Variants in DLG5 observed in about 807,000 individuals in gnomAD.
DLG5 encodes the protein discs large MAGUK scaffold protein 5.
Under a neutral mutation model 189.8 loss-of-function variants are expected in DLG5, and 48 were observed. The ratio of observed to expected loss-of-function variants is 0.25; its 90% confidence interval spans 0.20 to 0.32. DLG5 has a LOEUF of 0.32. DLG5 is among the 10% of genes least tolerant of loss of function. The pLI is 1.00. For synonymous variants in DLG5, 1,016 were observed against 1,054.1 expected (o/e 0.96, Z 0.70); for missense variants, 2,160 against 2,544.7 (o/e 0.85, Z 3.25).
At chr10:77,912,930 C>A (rs1313778880) in intron 1 of DLG5, among the ~76,000 whole-genome samples, 1 of 152,090 alleles carries the variant, frequency 6.6e-6, no homozygotes, top group South Asian at 2.1e-4. Context: ...CTGTGGAGAA[C>A]CCCAGGGAAA....
intron 27 of DLG5, among the ~76,000 whole-genome samples, chr10:77,802,214 C>G (rs1300914319): frequency 4.6e-5 from 7 of 152,154 alleles, no homozygotes; most frequent in African/African-American, 1.7e-4. Flanking sequence ...GTGTTTGAAG[C>G]CACACAGTCT....
At chr10:77,809,507 G>A (rs1841649715) in intron 24 of DLG5, 40 bp downstream of exon 24, 2 of 1,580,126 alleles carry the variant, frequency 1.3e-6, no homozygotes, top group Non-Finnish European at 1.7e-6. Context: ...CACTGTGCAG[G>A]TAGATGGAGG....
At chr10:77,876,986 C>T (rs1845120924) in intron 1 of DLG5, among the ~76,000 whole-genome samples, 1 of 151,962 alleles carries the variant, frequency 6.6e-6, no homozygotes, top group African/African-American at 2.4e-5. Flanking sequence ...CCTCAGCCTC[C>T]CAAAGTGCTG....
At chr10:77,906,617 C>CTTTTTT (rs35116526) in intron 1 of DLG5, among the ~76,000 whole-genome samples, 3 of 102,180 alleles carry the variant, frequency 2.9e-5, no homozygotes, top group African/African-American at 7.6e-5. Flanking sequence ...CTGCGCTCCA[C>CTTTTTT]TTTTTTTTTT....
At chr10:77,890,587 C>G (rs748903442) in intron 1 of DLG5, among the ~76,000 whole-genome samples, 1 of 152,210 alleles carries the variant, frequency 6.6e-6, no homozygotes, top group Non-Finnish European at 1.5e-5. Flanking sequence ...GAGGCCGAGG[C>G]ATGCAGATCA....
At chr10:77,861,061 A>G (rs1844451275) in intron 2 of DLG5, among the ~76,000 whole-genome samples, 1 of 152,184 alleles carries the variant, frequency 6.6e-6, no homozygotes, top group Non-Finnish European at 1.5e-5. Flanking sequence ...TTTGTTACAC[A>G]GGCTGTTTAA....
At chr10:77,876,971 G>A (rs2559656) in intron 1 of DLG5, among the ~76,000 whole-genome samples, 38,090 of 150,708 alleles carry the variant, frequency 0.25, 5,332 homozygotes, top group Admixed American at 0.39. Flanking sequence ...CAAGCAATCT[G>A]CTCGCCTCAG....
At chr10:77,801,500 G>A (rs1400159371) in intron 27 of DLG5, among the ~76,000 whole-genome samples, 1 of 152,156 alleles carries the variant, frequency 6.6e-6, no homozygotes, top group African/African-American at 2.4e-5. Context: ...CCCGAGGAGA[G>A]GCAAGGTCAG....
chr10:77,905,195 G>T (rs1846038922), intron 1 of DLG5, among the ~76,000 whole-genome samples: 1 of 151,452 alleles, frequency 6.6e-6, no homozygotes. Flanking sequence ...GAGATGAGTT[G>T]TCACTGTGTT....
At chr10:77,830,443 T>C (rs1842844972) in intron 10 of DLG5, 99 bp from the exon 11 acceptor site, 3 of 1,535,532 alleles carry the variant, frequency 2.0e-6, no homozygotes, top group Non-Finnish European at 2.7e-6. Flanking sequence ...TGGGGGACTG[T>C]CCCTTCACCT....
chr10:77,836,325 A>AC (rs1843132946), intron 7 of DLG5, among the ~76,000 whole-genome samples: 1 of 151,782 alleles, frequency 6.6e-6, no homozygotes, highest in African/African-American at 2.4e-5. Context: ...TCATATGAAA[A>AC]CCCCCTCCAC....
chr10:77,812,928 C>T (rs2154575335), intron 20 of DLG5, among the ~76,000 whole-genome samples: 1 of 152,376 alleles, frequency 6.6e-6, no homozygotes, highest in East Asian at 1.9e-4. Context: ...TGCCCTGGGG[C>T]TGTACAGTGC....
intron 2 of DLG5, 25 bp downstream of exon 2, chr10:77,869,104 G>T (rs201182388): frequency 2.2e-5 from 35 of 1,609,208 alleles, no homozygotes; most frequent in African/African-American, 4.0e-5. Flanking sequence ...CCCACCCGGT[G>T]TCCTCCCCAG....
chr10:77,841,848 G>A, intron 7 of DLG5, 33 bp downstream of exon 7: 13 of 1,588,174 alleles, frequency 8.2e-6, no homozygotes, highest in Non-Finnish European at 1.1e-5. Flanking sequence ...CTGTAGGAGA[G>A]GCTGAAAGCC....
chr10:77,879,995 A>G (rs1269825477), intron 1 of DLG5, among the ~76,000 whole-genome samples: 1 of 152,094 alleles, frequency 6.6e-6, no homozygotes, highest in African/African-American at 2.4e-5. Context: ...TAAAGTGATG[A>G]GCCTTGATAA....
At chr10:77,902,635 C>A (rs867192471) in intron 1 of DLG5, among the ~76,000 whole-genome samples, 10 of 151,850 alleles carry the variant, frequency 6.6e-5, no homozygotes, top group African/African-American at 2.2e-4. Flanking sequence ...CCGAGGTGGG[C>A]GGATCATGAG....
At chr10:77,835,398 G>T (rs180854767) in intron 8 of DLG5, among the ~76,000 whole-genome samples, 3 of 152,134 alleles carry the variant, frequency 2.0e-5, no homozygotes, top group Non-Finnish European at 4.4e-5. Flanking sequence ...GTAGGCGCCC[G>T]GTGAATACTG....
chr10:77,832,431 C>T (rs1027860534), intron 9 of DLG5, among the ~76,000 whole-genome samples: 2 of 152,240 alleles, frequency 1.3e-5, no homozygotes, highest in African/African-American at 4.8e-5. Flanking sequence ...CAGGGCCGCA[C>T]CTTTGCCTAG....
intron 2 of DLG5, among the ~76,000 whole-genome samples, chr10:77,867,336 T>A (rs2154577006): frequency 6.6e-6 from 1 of 152,242 alleles, no homozygotes; most frequent in East Asian, 1.9e-4. Context: ...ATGAGTTTAC[T>A]GATTGCTATC....
Sources: allele counts gnomAD v4.1 joint callset (sites outside exome capture counted in the v4.1 genomes callset), GRCh38; gene constraint gnomAD v4.1.1; transcripts MANE v1.5; gene names NCBI Gene and HGNC (gene_info 2026-07-23, HGNC 2026-07-21).